The following CCDC141 variants were observed in gnomAD, a reference collection of about 807,000 sequenced individuals.
CCDC141 encodes the protein coiled-coil domain-containing protein 141.
A neutral mutation model predicts 181.0 loss-of-function variants in CCDC141; 168 were observed. The observed-to-expected ratio is 0.93, with a 90% CI of 0.82 to 1.05. The LOEUF (loss-of-function observed/expected upper bound fraction) is 1.05. Among genes scored for constraint, CCDC141 ranks in the 50% least tolerant of loss-of-function variants. The probability of loss-of-function intolerance (pLI) is 0.00; values close to 1 mark genes in which losing one functional copy is unlikely to be tolerated. For missense variants in CCDC141, 1,902 were observed against 1,788.5 expected (o/e 1.06, Z -1.14); for synonymous variants, 666 against 642.3 (o/e 1.04, Z -0.56).
At chr2:178,877,869 C>T (rs752170894) in intron 12 of CCDC141, 95 bp downstream of exon 12, 2 of 1,200,900 alleles carry the variant, frequency 1.7e-6, no homozygotes, top group Admixed American at 1.7e-5. Flanking sequence ...TAGGAGAGAA[C>T]TGCTGATTAA....
At chr2:178,995,770 A>G (rs6744095) in intron 2 of CCDC141, among the ~76,000 whole-genome samples, 129,916 of 152,168 alleles carry the variant, frequency 0.85, 56,413 homozygotes, top group Non-Finnish European at 0.93. Context: ...TGTCTAAATT[A>G]GCAGGAGAGT....
At chr2:179,009,650 C>A (rs2042211068) in intron 2 of CCDC141, among the ~76,000 whole-genome samples, 1 of 129,452 alleles carries the variant, frequency 7.7e-6, no homozygotes, top group Non-Finnish European at 1.5e-5. Context: ...ATACCAGCAC[C>A]TGTTCTGGTA....
At chr2:178,827,220 A>G (rs956205857), downstream of CCDC141, among the ~76,000 whole-genome samples, 8 of 152,134 alleles carry the variant, frequency 5.3e-5, no homozygotes, top group East Asian at 1.9e-4. Flanking sequence ...CTGCTTTTGT[A>G]TAATTACTAT....
chr2:178,854,254 G>T (rs367858750), intron 19 of CCDC141, among the ~76,000 whole-genome samples: 1 of 152,222 alleles, frequency 6.6e-6, no homozygotes, highest in Admixed American at 6.5e-5. Context: ...GCTGGGCGTG[G>T]TGGCTCACGC....
intron 6 of CCDC141, among the ~76,000 whole-genome samples, chr2:178,943,005 C>T (rs1003114452): frequency 2.0e-5 from 3 of 152,140 alleles, no homozygotes; most frequent in Non-Finnish European, 4.4e-5. Context: ...CTACTCTAGA[C>T]TGTCTTCAGG....
intron 5 of CCDC141, among the ~76,000 whole-genome samples, chr2:178,945,089 C>T (rs536263432): frequency 1.3e-4 from 20 of 152,196 alleles, no homozygotes; most frequent in African/African-American, 4.6e-4. Flanking sequence ...ATAGACTATG[C>T]AGAAATATTT....
chr2:178,974,921 C>G, intron 4 of CCDC141, 136 bp downstream of exon 4: 3 of 463,404 alleles, frequency 6.5e-6, no homozygotes, highest in Non-Finnish European at 1.2e-5. Context: ...AAAAATGAAG[C>G]TTTAACTTTT....
intron 7 of CCDC141, among the ~76,000 whole-genome samples, 179 bp downstream of exon 7, chr2:178,918,534 T>A (rs551204146): frequency 1.3e-5 from 2 of 152,364 alleles, no homozygotes; most frequent in African/African-American, 4.8e-5. Flanking sequence ...GTCTTTCAGT[T>A]TTGAGAATCA....
At chr2:178,871,061 C>T (rs1234434450) in intron 14 of CCDC141, among the ~76,000 whole-genome samples, 2 of 152,030 alleles carry the variant, frequency 1.3e-5, no homozygotes, top group Admixed American at 6.6e-5. Context: ...CCTCTGGGTC[C>T]GAGGTTGCCC....
the CCDC141 span, among the ~76,000 whole-genome samples, chr2:178,822,085 T>C: frequency 2.6e-5 from 4 of 151,946 alleles, no homozygotes; most frequent in East Asian, 3.9e-4. Flanking sequence ...CCATAAAAAA[T>C]GATGAGTTCA....
chr2:178,859,389 G>A (rs1042685646), intron 17 of CCDC141, among the ~76,000 whole-genome samples: 1 of 152,194 alleles, frequency 6.6e-6, no homozygotes, highest in East Asian at 1.9e-4. Context: ...TGCCATAGTC[G>A]CTGGGCTGTG....
chr2:178,913,013 T>C (rs1350857855), intron 7 of CCDC141, among the ~76,000 whole-genome samples: 2 of 152,210 alleles, frequency 1.3e-5, no homozygotes, highest in African/African-American at 4.8e-5. Context: ...TTGGGCTTTC[T>C]CCATCATAGC....
intron 5 of CCDC141, among the ~76,000 whole-genome samples, chr2:178,954,341 C>A (rs1690072711): frequency 6.6e-6 from 1 of 152,182 alleles, no homozygotes; most frequent in South Asian, 2.1e-4. Flanking sequence ...ATAGAAAGGT[C>A]AGCTGCTTAT....
the CCDC141 span, among the ~76,000 whole-genome samples, chr2:178,823,176 A>C: frequency 7.6e-5 from 1 of 13,192 alleles, no homozygotes; most frequent in African/African-American, 1.5e-4. Context: ...AACCACCATG[A>C]TTATTTTTTC....
intron 11 of CCDC141, among the ~76,000 whole-genome samples, chr2:178,878,833 T>C (rs1363599735): frequency 6.6e-6 from 1 of 152,172 alleles, no homozygotes; most frequent in Non-Finnish European, 1.5e-5. Context: ...CTGTGTGGTT[T>C]CATTTAAAGC....
rs372879210 is a variant in CCDC141 at position 178,865,820 on chromosome 2, G to A, written c.2671C>T (p.Arg891Trp). 1.0e-4 allele frequency: 166 copies of A among 1,606,574 alleles called. No individual in the cohort carries two copies. Among genetic ancestry groups the A allele is most frequent in the East Asian group, 2.0e-4 (9 of 44,380 alleles). The change falls in exon 17 of 24, where the codon CGG becomes TGG. Residue 891 changes from arginine (R) to tryptophan (W), a missense_variant. Physicochemically the swap from Arg to Trp is moderately radical, Grantham distance 101. Coordinates refer to ENST00000443758, the MANE Select transcript of CCDC141 (RefSeq NM_173648.4). ...TACTCCACACTACGGGACAGGGTCC[G>A]TCCATACTCCTCAGCTTTGGCACGC... ...KWRAKAEEYG[R>W]TLSRSVEYCA...
intron 23 of CCDC141, among the ~76,000 whole-genome samples, chr2:178,834,817 C>T (rs1001821190): frequency 2.0e-5 from 3 of 151,426 alleles, no homozygotes; most frequent in Non-Finnish European, 2.9e-5. Context: ...TGGTTTCAAG[C>T]AATCTGCCTG....
intron 2 of CCDC141, among the ~76,000 whole-genome samples, chr2:178,991,375 A>C (rs1692045927): frequency 6.6e-6 from 1 of 152,186 alleles, no homozygotes; most frequent in Non-Finnish European, 1.5e-5. Context: ...AATGCCACTG[A>C]ATTTTACACT....
intron 2 of CCDC141, among the ~76,000 whole-genome samples, chr2:178,995,931 A>G (rs951362569): frequency 6.6e-6 from 1 of 152,198 alleles, no homozygotes; most frequent in South Asian, 2.1e-4. Context: ...ACATTAAAAT[A>G]GGTTAACCTG....
Sources: gnomAD v4.1 joint callset for allele counts (sites outside exome capture counted in the v4.1 genomes callset) on GRCh38, gnomAD v4.1.1 for gene constraint, MANE v1.5 for transcripts, NCBI Gene and HGNC (gene_info 2026-07-23, HGNC 2026-07-21) for gene names.